CSMD1: variants seen among roughly 807,000 people sequenced by gnomAD.
CSMD1 encodes CUB and Sushi multiple domains 1.
CSMD1 carries 213 observed loss-of-function variants against 417.5 expected under a neutral mutation model. The ratio of observed to expected loss-of-function variants is 0.51; its 90% CI spans 0.46 to 0.57. The LOEUF (loss-of-function observed/expected upper bound fraction) is 0.57. CSMD1 is among the 20% of genes least tolerant of loss of function. The pLI is 0.00. For synonymous variants in CSMD1, 2,862 were observed against 1,736.8 expected (o/e 1.65, Z -16.11); for missense variants, 6,923 against 4,529.7 (o/e 1.53, Z -15.17).
intron 4 of CSMD1, 55 bp downstream of exon 4, chr8:4,031,850 C>G (rs1182940769): frequency 2.2e-6 from 3 of 1,376,012 alleles, no homozygotes; most frequent in South Asian, 1.6e-5. Context: ...AAAGCATCTC[C>G]AAAACCATTG....
At chr8:4,100,682 C>T (rs1388101171) in intron 3 of CSMD1, among the ~76,000 whole-genome samples, 3 of 152,136 alleles carry the variant, frequency 2.0e-5, no homozygotes, top group Non-Finnish European at 2.9e-5. Context: ...AATTGCCATT[C>T]ATACTGGGAG....
intron 3 of CSMD1, among the ~76,000 whole-genome samples, chr8:4,362,551 G>T (rs192331645): frequency 1.3e-5 from 2 of 152,126 alleles, no homozygotes; most frequent in African/African-American, 4.8e-5. Context: ...ATTTATTGTG[G>T]GAAGTGGATA....
intron 5 of CSMD1, among the ~76,000 whole-genome samples, chr8:3,828,182 A>C (rs1333489361): frequency 6.6e-6 from 1 of 152,166 alleles, no homozygotes; most frequent in African/African-American, 2.4e-5. Flanking sequence ...TCCAAGTTTA[A>C]CCAGTATGCA....
chr8:3,953,165 C>G (rs1277911955), intron 5 of CSMD1, among the ~76,000 whole-genome samples: 1 of 151,790 alleles, frequency 6.6e-6, no homozygotes, highest in Non-Finnish European at 1.5e-5. Flanking sequence ...AAAAATCAAA[C>G]TGGATTAGAG....
At chr8:4,467,109 A>G (rs1043075982) in intron 2 of CSMD1, among the ~76,000 whole-genome samples, 1 of 147,442 alleles carries the variant, frequency 6.8e-6, no homozygotes, top group African/African-American at 2.5e-5. Flanking sequence ...GTCTTGCTCT[A>G]GATTCTTCAG....
intron 2 of CSMD1, among the ~76,000 whole-genome samples, chr8:4,539,954 C>G (rs901806416): frequency 1.3e-5 from 2 of 152,168 alleles, no homozygotes; most frequent in Non-Finnish European, 2.9e-5. Context: ...CCAAACTCCG[C>G]CCCGTCCAGG....
intron 23 of CSMD1, among the ~76,000 whole-genome samples, chr8:3,323,344 T>C: frequency 6.6e-6 from 1 of 152,124 alleles, no homozygotes; most frequent in East Asian, 1.9e-4. Context: ...TACCTCTAAA[T>C]AAAATTTTAT....
At chr8:4,652,674 T>A (rs1803974919) in intron 1 of CSMD1, among the ~76,000 whole-genome samples, 1 of 151,874 alleles carries the variant, frequency 6.6e-6, no homozygotes, top group African/African-American at 2.4e-5. Flanking sequence ...AAAGACAGAT[T>A]CGCCACAGCT....
intron 1 of CSMD1, among the ~76,000 whole-genome samples, chr8:4,917,185 A>C (rs920232386): frequency 1.3e-5 from 2 of 152,206 alleles, no homozygotes; most frequent in African/African-American, 4.8e-5. Flanking sequence ...GACAGAGAGA[A>C]GTGGGAGGTG....
At chr8:3,862,832 G>A (rs1037542450) in intron 5 of CSMD1, among the ~76,000 whole-genome samples, 1 of 152,196 alleles carries the variant, frequency 6.6e-6, no homozygotes, top group Non-Finnish European at 1.5e-5. Flanking sequence ...TGGCAAGTTA[G>A]GGCAGGTGTC....
At chr8:4,739,974 T>G (rs1015694087) in intron 1 of CSMD1, among the ~76,000 whole-genome samples, 3 of 152,164 alleles carry the variant, frequency 2.0e-5, no homozygotes, top group Non-Finnish European at 4.4e-5. Flanking sequence ...AATAGCTGAC[T>G]GGCCAGCCGC....
chr8:3,596,787 C>G (rs879590094), intron 8 of CSMD1, among the ~76,000 whole-genome samples: 1 of 104,016 alleles, frequency 9.6e-6, no homozygotes, highest in Non-Finnish European at 1.8e-5. Flanking sequence ...AACACACACA[C>G]TCACACACAC....
At chr8:4,396,720 C>G (rs115683785) in intron 3 of CSMD1, among the ~76,000 whole-genome samples, 1 of 152,050 alleles carries the variant, frequency 6.6e-6, no homozygotes, top group African/African-American at 2.4e-5. Flanking sequence ...GAAATCATGG[C>G]ATTTGCAGCA....
At chr8:3,729,637 AACTT>A (rs1264932849) in intron 6 of CSMD1, among the ~76,000 whole-genome samples, 3 of 151,876 alleles carry the variant, frequency 2.0e-5, no homozygotes, top group Non-Finnish European at 4.4e-5. Flanking sequence ...CGGTGAACTC[AACTT>A]AGAGGAAGCG....
intron 52 of CSMD1, among the ~76,000 whole-genome samples, chr8:3,004,385 G>T (rs1038789488): frequency 1.3e-5 from 2 of 152,130 alleles, no homozygotes; most frequent in Admixed American, 1.3e-4. Flanking sequence ...GTCAGAAATT[G>T]TCCTATTAAA....
intron 12 of CSMD1, among the ~76,000 whole-genome samples, chr8:3,457,526 G>A (rs757584036): frequency 2.0e-5 from 3 of 152,148 alleles, no homozygotes; most frequent in Non-Finnish European, 2.9e-5. Flanking sequence ...CGCATGCCAC[G>A]CCTGGCCGTT....
chr8:4,160,966 A>T (rs1025376664), intron 3 of CSMD1, among the ~76,000 whole-genome samples: 3 of 152,242 alleles, frequency 2.0e-5, no homozygotes, highest in African/African-American at 7.2e-5. Context: ...ATCAGTTGAT[A>T]TAAAAATTGT....
chr8:3,168,075 T>C (rs560806428), intron 37 of CSMD1, among the ~76,000 whole-genome samples: 1 of 151,446 alleles, frequency 6.6e-6, no homozygotes, highest in African/African-American at 2.4e-5. Context: ...AAAAGATATT[T>C]CAAACTAGAG....
chr8:4,108,631 G>C (rs55651304), intron 3 of CSMD1, among the ~76,000 whole-genome samples: 17,274 of 152,204 alleles, frequency 0.11, 1,230 homozygotes, highest in South Asian at 0.33. Flanking sequence ...AGTCTCAGAA[G>C]AGCCTTTTGA....
Sources: gnomAD v4.1 joint callset for allele counts (sites outside exome capture counted in the v4.1 genomes callset) on GRCh38, gnomAD v4.1.1 for gene constraint, MANE v1.5 for transcripts, NCBI Gene and HGNC (gene_info 2026-07-23, HGNC 2026-07-21) for gene names.